RAB2A: variants seen among roughly 807,000 people sequenced by gnomAD.
RAB2A encodes RAB2A, member RAS oncogene family, also known as ras-related protein Rab-2A.
A neutral mutation model predicts 32.5 loss-of-function variants in RAB2A; 7 were observed. That is an observed-to-expected ratio of 0.22 (90% CI 0.12 to 0.40). RAB2A has a LOEUF of 0.40. Ranked by LOEUF, RAB2A falls within the 10% of genes least tolerant of loss-of-function variation. The pLI is 1.00. For synonymous variants in RAB2A, 79 were observed against 85.2 expected, an observed-to-expected ratio of 0.93 and a Z score of 0.40; for missense variants, 108 against 260.7, an observed-to-expected ratio of 0.41 and a Z score of 4.03.
intron 1 of RAB2A, among the ~76,000 whole-genome samples, chr8:60,532,087 G>A (rs1259966184): frequency 1.3e-5 from 2 of 152,156 alleles, no homozygotes; most frequent in African/African-American, 2.4e-5. Context: ...TTACAGGCAT[G>A]AGCCACCGTG....
chr8:60,579,758 G>T (rs571896641), intron 3 of RAB2A, among the ~76,000 whole-genome samples: 2 of 151,986 alleles, frequency 1.3e-5, no homozygotes, highest in East Asian at 1.9e-4. Context: ...TTCCCGAGTA[G>T]CTGGGACTAC....
At chr8:60,524,102 CTGT>C (rs1807343084) in intron 1 of RAB2A, among the ~76,000 whole-genome samples, 1 of 152,052 alleles carries the variant, frequency 6.6e-6, no homozygotes. Context: ...GCTATTGTCC[CTGT>C]TGTTCTCATT....
intron 7 of RAB2A, chr8:60,618,915 A>G (rs948449752): frequency 6.5e-6 from 1 of 154,388 alleles, no homozygotes; most frequent in Non-Finnish European, 1.5e-5. Context: ...ATTCATTGCA[A>G]GCAATGCAAA....
At chr8:60,620,568 C>A in intron 7 of RAB2A, 106 bp from the exon 8 acceptor site, 1 of 801,272 alleles carries the variant, frequency 1.2e-6, no homozygotes, top group Non-Finnish European at 2.1e-6. Context: ...GTATTTTTCT[C>A]AGTTGTTTGA....
At chr8:60,616,763 C>T (rs1804455585) in intron 6 of RAB2A, among the ~76,000 whole-genome samples, 1 of 152,210 alleles carries the variant, frequency 6.6e-6, no homozygotes, top group South Asian at 2.1e-4. Context: ...ATTCATATCT[C>T]TGTGCTCCTG....
chr8:60,533,010 T>A (rs1164821949), intron 1 of RAB2A, among the ~76,000 whole-genome samples: 2 of 152,254 alleles, frequency 1.3e-5, no homozygotes, highest in African/African-American at 2.4e-5. Flanking sequence ...ATGACCTTGG[T>A]AGGCAGAATG....
chr8:60,605,919 C>T (rs774468113), intron 6 of RAB2A, among the ~76,000 whole-genome samples: 6 of 150,480 alleles, frequency 4.0e-5, no homozygotes, highest in East Asian at 3.9e-4. Context: ...GAGGCCAAGA[C>T]GGGCAGATCA....
chr8:60,525,593 T>C (rs892955350), intron 1 of RAB2A, among the ~76,000 whole-genome samples: 9 of 152,204 alleles, frequency 5.9e-5, no homozygotes, highest in Admixed American at 3.9e-4. Context: ...GTTTTTACTT[T>C]TCATAGCCAT....
chr8:60,547,485 G>A (rs558938321), intron 1 of RAB2A, among the ~76,000 whole-genome samples: 1 of 151,586 alleles, frequency 6.6e-6, no homozygotes, highest in African/African-American at 2.4e-5. Context: ...GGGCAGAGGC[G>A]CCCCTCACCT....
intron 3 of RAB2A, among the ~76,000 whole-genome samples, chr8:60,578,915 A>G (rs1475136475): frequency 6.6e-6 from 1 of 152,246 alleles, no homozygotes; most frequent in Non-Finnish European, 1.5e-5. Context: ...CTTTTGCACA[A>G]ATGTTCCGTG....
intron 1 of RAB2A, among the ~76,000 whole-genome samples, chr8:60,536,298 GTTAA>G (rs1414843224): frequency 1.4e-5 from 2 of 143,148 alleles, no homozygotes; most frequent in African/African-American, 5.1e-5. Flanking sequence ...TTTGGCTCTT[GTTAA>G]TTTAATCTGT....
At chr8:60,533,971 A>G (rs1807519209) in intron 1 of RAB2A, among the ~76,000 whole-genome samples, 1 of 152,040 alleles carries the variant, frequency 6.6e-6, no homozygotes, top group Non-Finnish European at 1.5e-5. Context: ...TCAAAAACAA[A>G]ACAAAACAAT....
intron 3 of RAB2A, among the ~76,000 whole-genome samples, chr8:60,581,946 C>CT (rs386412883): frequency 0.11 from 14,780 of 140,336 alleles, 2,396 homozygotes; most frequent in African/African-American, 0.35. Flanking sequence ...GTTTTTCTTT[C>CT]TTTTTTTTTT....
chr8:60,546,673 T>C (rs1807732080), intron 1 of RAB2A, among the ~76,000 whole-genome samples: 1 of 152,208 alleles, frequency 6.6e-6, no homozygotes, highest in Non-Finnish European at 1.5e-5. Flanking sequence ...GTGCTTTATA[T>C]AGGTTAACTG....
At position 60,566,419 on chromosome 8, in the gene RAB2A, C is replaced by CT. The variant is rs549178020; in HGVS notation, c.119-5619dup. On this transcript the variant is annotated intron_variant, in intron 2 of 7. Coordinates refer to ENST00000262646, the MANE Select transcript of RAB2A (RefSeq NM_002865.3). The stretch of plus-strand genomic sequence containing the variant: ...GATTTTACTTGTTATATATCTTTGT[C>CT]TTTTTTTTGTTTGCTACTTTGAATT... Among the ~76,000 whole-genome samples the CT allele has an allele frequency of 2.8e-3, 432 of 151,822 alleles. 4 individuals carry two copies. Among genetic ancestry groups the CT allele is most frequent in the Non-Finnish European group, 3.2e-3 (219 of 67,868 alleles).
intron 1 of RAB2A, among the ~76,000 whole-genome samples, chr8:60,524,896 C>A (rs612187): frequency 0.021 from 3,206 of 152,194 alleles, 43 homozygotes; most frequent in Non-Finnish European, 0.032. Context: ...AAGGTGTAGC[C>A]AGACTGAATT....
intron 1 of RAB2A, among the ~76,000 whole-genome samples, chr8:60,535,183 T>C (rs1237083894): frequency 6.6e-6 from 1 of 152,340 alleles, no homozygotes; most frequent in East Asian, 1.9e-4. Context: ...AATTTTCTTA[T>C]CAGATTGACA....
rs1808205019 is a variant in RAB2A, at chr8:60,572,072, A to C, written c.145A>C (p.Thr49Pro). ...IGVEFGARMI[T>P]IDGKQIKLQI... is the part of the protein sequence containing the mutation. Reference sequence around the variant, plus strand: ...TGTAGAGTTCGGTGCTCGAATGATAACTATTGATGGGAAACAGATAAAACT... The same window carrying C: ...TGTAGAGTTCGGTGCTCGAATGATACCTATTGATGGGAAACAGATAAAACT... The change falls in exon 3 of 8, where the codon ACT (threonine) becomes CCT (proline). Residue 49 changes from threonine (T) to proline (P), a missense_variant. Thr to Pro is a conservative substitution (Grantham distance 38, BLOSUM62 -1). Transcript: ENST00000262646. 6.2e-7 allele frequency: 1 copy of C among 1,607,608 alleles called. No homozygotes were observed. Among genetic ancestry groups the C allele is most frequent in the Admixed American group, 1.7e-5 (1 of 59,690 alleles).
At chr8:60,617,700 G>T (rs1383703690) in intron 6 of RAB2A, among the ~76,000 whole-genome samples, 1 of 152,108 alleles carries the variant, frequency 6.6e-6, no homozygotes. Context: ...AACCGAGATT[G>T]CGCCGCTGCA....
Sources: allele counts gnomAD v4.1 joint callset (sites outside exome capture counted in the v4.1 genomes callset), GRCh38; gene constraint gnomAD v4.1.1; transcripts MANE v1.5; gene names NCBI Gene and HGNC (gene_info 2026-07-23, HGNC 2026-07-21).